Variants in STK11IP observed in about 807,000 individuals in gnomAD.
The protein encoded by STK11IP is serine/threonine-protein kinase 11-interacting protein.
Under a neutral mutation model 131.7 loss-of-function variants are expected in STK11IP, and 103 were observed. The observed-to-expected ratio is 0.78, with a 90% confidence interval of 0.67 to 0.92. The LOEUF is 0.92. Ranked by LOEUF, STK11IP falls within the 40% of genes least tolerant of loss-of-function variation. The pLI, the probability that STK11IP is intolerant of heterozygous loss-of-function variation, is 0.00. For missense variants in STK11IP, 1,315 were observed against 1,385.7 expected (o/e 0.95, Z 0.81); for synonymous variants, 557 against 575.6 (o/e 0.97, Z 0.46).
rs1470539738 is a variant in STK11IP at position 219,614,173 on chromosome 2, C to T, written c.2729C>T (p.Ser910Phe). ...TGCCTCTGTCTAGATGTCTTGCAGT[C>T]TCTGCCCCCTGCCTGGAGGAACTGT... is the stretch of plus-strand genomic sequence containing the variant. The part of the protein sequence containing the change: ...FLEELLDVLQ[S>F]LPPAWRNCVS... The change falls in exon 22 of 25, where the codon TCT (serine) becomes TTT (phenylalanine). Residue 910 changes from serine to phenylalanine, a missense_variant. Coordinates refer to ENST00000456909, the MANE Select transcript of STK11IP (RefSeq NM_052902.4). 4 of 1,613,512 alleles carry T rather than the reference C, an allele frequency of 2.5e-6. No homozygotes were observed. Among genetic ancestry groups the T allele is most frequent in the East Asian group, 4.5e-5 (2 of 44,886 alleles).
Position 219,606,011 on chromosome 2 carries a change from A to G in STK11IP, c.801A>G (p.Glu267=). ...RHLDLAYNLL[E]GHRELSPLWL... Reference sequence around the variant, plus strand: ...TGGATTTGGCATACAACCTGCTGGAAGGACACCGGGAGCTGTCACCACTGT... The same window carrying G: ...TGGATTTGGCATACAACCTGCTGGAGGGACACCGGGAGCTGTCACCACTGT... The change falls in exon 9 of 25, where the codon GAA becomes GAG. Residue 267 remains glutamate (E), a synonymous_variant. Transcript: ENST00000456909. The G allele has an allele frequency of 6.2e-7, 1 of 1,609,706 alleles. No homozygotes were observed. Among genetic ancestry groups the G allele is most frequent in the Non-Finnish European group, 8.5e-7 (1 of 1,178,168 alleles).
Position 219,608,318 on chromosome 2 carries a change from G to A in STK11IP, c.1491G>A (p.Glu497=), listed in dbSNP as rs764169964. 5.0e-6 allele frequency: 8 copies of A among 1,605,626 alleles called. No individual in the cohort carries two copies. The East Asian group carries it at 1.1e-4, about 23-fold the overall frequency. The change falls in exon 14 of 25, where the codon GAG becomes GAA. Residue 497 remains glutamate, a synonymous_variant. Transcript: ENST00000456909. ...SEEVRAEPQE[E]EEEKEGKEEK... ...AGGTCAGGGCGGAGCCACAGGAGGA[G>A]GAAGAGGAGAAGGAGGGGAAGGAGG...
Position 219,599,249 on chromosome 2 carries a change from C to T in STK11IP, c.61+1069C>T, listed in dbSNP as rs538270154. On this transcript the variant is annotated intron_variant, in intron 2 of 24. Coordinates refer to ENST00000456909, the MANE Select transcript of STK11IP (RefSeq NM_052902.4). ...GACTACAGGTGTGCACCACCATGAC[C>T]GGCTAATTTTTGTATTTTTAGTAGA... Among the ~76,000 whole-genome samples, 19 of 152,146 alleles carry T rather than the reference C, an allele frequency of 1.2e-4. No individual in the cohort carries two copies. The South Asian group carries it at 2.1e-3, about 17-fold the overall frequency.
chr2:219,598,202 C>T, intron 2 of STK11IP, 22 bp downstream of exon 2: 1 of 1,528,348 alleles, frequency 6.5e-7, no homozygotes, highest in Non-Finnish European at 8.8e-7. Context: ...TCCGGTTGGG[C>T]TGGGCCTCGG....
At chr2:219,601,750 C>G in intron 4 of STK11IP, 35 bp downstream of exon 4, 1 of 1,575,202 alleles carries the variant, frequency 6.3e-7, no homozygotes, top group Non-Finnish European at 8.6e-7. Context: ...GTGCACAGCA[C>G]CCAACTTGAG....
chr2:219,614,927 T>G (rs757107079), intron 23 of STK11IP, 167 bp from the exon 24 acceptor site: 20 of 785,986 alleles, frequency 2.5e-5, no homozygotes, highest in Non-Finnish European at 3.8e-5. Context: ...GAGTAGAGAT[T>G]CATGGAGCTT....
In STK11IP at chr2:219,606,105, A is replaced by AC. The variant is rs35440832; in HGVS notation, c.849+53dup. The AC allele has an allele frequency of 1.5e-3, 2,319 of 1,547,684 alleles. 40 individuals carry two copies. The South Asian group carries it at 0.016, about 11-fold the overall frequency. ...GGGCCTGGGAACCACCCTTGCACGT[A>AC]CCCCCCCATGCTGGTTTGGTCAGTG... On this transcript the variant is annotated intron_variant, in intron 9 of 24. Coordinates refer to ENST00000456909, the MANE Select transcript of STK11IP (RefSeq NM_052902.4).
Position 219,611,974 on chromosome 2 carries a change from C to A in STK11IP, c.2355C>A (p.Leu785=). Residue 785 remains leucine, a synonymous_variant, in exon 19 of 25, where the codon CTC becomes CTA. Coordinates refer to ENST00000456909, the MANE Select transcript of STK11IP (RefSeq NM_052902.4). ...CCTCAGCCCCTGAGCGCTGTGGCCT[C>A]CGCTCTGTGGACCACCGACTCCGGC... ...SLSPPPERCG[L]RSVDHRLRLF... The A allele has an allele frequency of 6.3e-7, 1 of 1,599,920 alleles. No homozygotes were observed. The highest frequency in any genetic ancestry group is 8.5e-7 in the Non-Finnish European group (1 of 1,174,288).
At chr2:219,609,640 G>C (rs1274986421) in intron 17 of STK11IP, 100 bp downstream of exon 17, 1 of 1,395,688 alleles carries the variant, frequency 7.2e-7, no homozygotes, top group Non-Finnish European at 9.9e-7. Context: ...CTAGGGAGAA[G>C]GGGCTAGAGT....
In STK11IP at chr2:219,608,239, C is replaced by A. The variant is rs1320402284; in HGVS notation, c.1412C>A (p.Pro471His). The change falls in exon 14 of 25, where the codon CCC becomes CAC. Residue 471 changes from proline (P) to histidine (H), a missense_variant. Pro to His is a moderately conservative substitution (Grantham distance 77, BLOSUM62 -2). Transcript: ENST00000456909. ...CCCGACACTGCACCCAGACCTTCAC[C>A]CCCGCAGGAGGAAGCCAGAGGCCCC... ...QGPDTAPRPS[P>H]PQEEARGPQE... The A allele has an allele frequency of 1.2e-6, 2 of 1,613,656 alleles. No homozygotes were observed.
rs1697997579 is a variant in STK11IP, at chr2:219,601,884, AGCTGG to A, written c.343-100_343-96del. The stretch of plus-strand genomic sequence containing the variant: ...TCCATTTACTGCTTCCCTAAATCAT[AGCTGG>A]GCTTTGTGGTCTTCTCCCTCCTCCC... On this transcript the variant is annotated intron_variant, in intron 4 of 24. Transcript: ENST00000456909. 4 of 1,283,886 alleles carry A rather than the reference AGCTGG, an allele frequency of 3.1e-6. No individual in the cohort carries two copies. The East Asian group carries it at 1.0e-4, about 32-fold the overall frequency. The allele number at this position is 1,283,886 out of a possible 1,614,324, so 79.5% of individuals were successfully genotyped here.
At chr2:219,605,830 G>C (rs536374829) in intron 8 of STK11IP, 96 bp downstream of exon 8, 1 of 1,506,554 alleles carries the variant, frequency 6.6e-7, no homozygotes, top group East Asian at 2.4e-5. Flanking sequence ...AGCCTTGAGA[G>C]GGCTTATGGG....
intron 19 of STK11IP, 145 bp from the exon 20 acceptor site, chr2:219,612,983 C>A: frequency 1.6e-6 from 1 of 627,074 alleles, no homozygotes. Flanking sequence ...AAGAGGCTGT[C>A]GAGTGTGAGG....
chr2:219,601,748 C>T (rs1313895236), intron 4 of STK11IP, 33 bp downstream of exon 4: 2 of 1,576,852 alleles, frequency 1.3e-6, no homozygotes, highest in African/African-American at 2.7e-5. Context: ...TGGTGCACAG[C>T]ACCCAACTTG....
chr2:219,601,958 G>A, intron 4 of STK11IP, 30 bp from the exon 5 acceptor site: 1 of 1,576,540 alleles, frequency 6.3e-7, no homozygotes, highest in Non-Finnish European at 8.7e-7. Context: ...GTGGGGTTCT[G>A]CCTTCCTCCC....
At chr2:219,607,264 T>G in intron 13 of STK11IP, 127 bp downstream of exon 13, 1 of 883,148 alleles carries the variant, frequency 1.1e-6, no homozygotes, top group Non-Finnish European at 1.7e-6. Flanking sequence ...AGAGGGCTTC[T>G]TAGTCTTTTT....
chr2:219,612,253 G>C (rs1698423820), intron 19 of STK11IP, among the ~76,000 whole-genome samples, 195 bp downstream of exon 19: 1 of 152,212 alleles, frequency 6.6e-6, no homozygotes, highest in Non-Finnish European at 1.5e-5. Context: ...GTCTGCAATG[G>C]AGATAACGAT....
chr2:219,608,874 T>G, intron 15 of STK11IP, 86 bp downstream of exon 15: 1 of 1,397,834 alleles, frequency 7.2e-7, no homozygotes, highest in Non-Finnish European at 9.6e-7. Flanking sequence ...GGCATTTCTT[T>G]CAGTCTCTCC....
intron 13 of STK11IP, among the ~76,000 whole-genome samples, chr2:219,607,361 C>T (rs1201595299): frequency 6.6e-6 from 1 of 151,958 alleles, no homozygotes; most frequent in Non-Finnish European, 1.5e-5. Flanking sequence ...TGTGGGGTGT[C>T]AAGAGATCAT....
Sources: allele counts gnomAD v4.1 joint callset (sites outside exome capture counted in the v4.1 genomes callset), GRCh38; gene constraint gnomAD v4.1.1; transcripts MANE v1.5; gene names NCBI Gene and HGNC (gene_info 2026-07-23, HGNC 2026-07-21).